The following PPP4R3B variants were observed in gnomAD, a reference collection of about 807,000 sequenced individuals.
The protein encoded by PPP4R3B is protein phosphatase 4 regulatory subunit 3B.
A neutral mutation model predicts 95.4 loss-of-function variants in PPP4R3B; 52 were observed. That is an observed-to-expected ratio of 0.54 (90% CI 0.44 to 0.69). PPP4R3B has a LOEUF of 0.69. PPP4R3B is among the 30% of genes least tolerant of loss of function. The probability of loss-of-function intolerance (pLI) is 0.00; values close to 1 mark genes in which losing one functional copy is unlikely to be tolerated. For synonymous variants in PPP4R3B, 407 were observed against 343.9 expected (o/e 1.18, Z -2.03); for missense variants, 1,003 against 1,005.9 (o/e 1.00, Z 0.04).
At chr2:55,552,609 G>T (rs972213330) in intron 16 of PPP4R3B, among the ~76,000 whole-genome samples, 7 of 152,102 alleles carry the variant, frequency 4.6e-5, no homozygotes, top group Non-Finnish European at 1.0e-4. Context: ...GGCCAGGCTG[G>T]CCTTGAACTC....
intron 3 of PPP4R3B, among the ~76,000 whole-genome samples, chr2:55,600,469 TG>T (rs1692410950): frequency 2.0e-5 from 1 of 49,416 alleles, no homozygotes; most frequent in South Asian, 6.7e-4. Context: ...CGGGCAGGGG[TG>T]GTTAAGAAAT....
At chr2:55,594,177 T>C (rs1309436403) in intron 4 of PPP4R3B, among the ~76,000 whole-genome samples, 2 of 152,054 alleles carry the variant, frequency 1.3e-5, no homozygotes, top group East Asian at 3.9e-4. Context: ...ACTGAAGGTT[T>C]AAAAATTATC....
At position 55,564,984 on chromosome 2, in the gene PPP4R3B, A is replaced by T; in HGVS notation, c.1993T>A (p.Ser665Thr). The change falls in exon 14 of 17, where the codon TCG becomes ACG. Residue 665 changes from serine (S) to threonine (T), a missense_variant. By Grantham distance (58) the Ser-to-Thr change is moderately conservative (BLOSUM62 1). Around this residue, in one of 3 missense-constraint regions of PPP4R3B, gnomAD observed 79 missense variants for 124.9 expected, o/e 0.63. Coordinates refer to ENST00000616407, the MANE Select transcript of PPP4R3B (RefSeq NM_001122964.3). The part of the protein sequence containing the change: ...IVENFYKALE[S>T]IEYVQTFKGL... ...TTGAATGTCTGAACATATTCAATCG[A>T]TTCAAGTGCTTTATAAAAGTTTTCA... is the stretch of plus-strand genomic sequence containing the variant. 1 of 1,610,834 alleles carries T rather than the reference A, an allele frequency of 6.2e-7. No homozygotes were observed. Among genetic ancestry groups the T allele is most frequent in the Non-Finnish European group, 8.5e-7 (1 of 1,178,806 alleles).
At chr2:55,601,068 C>G (rs4672057) in intron 3 of PPP4R3B, among the ~76,000 whole-genome samples, 13,586 of 149,184 alleles carry the variant, frequency 0.091, 746 homozygotes, top group South Asian at 0.14. Flanking sequence ...TCCCTTCAGC[C>G]TGGGAGGCAG....
intron 7 of PPP4R3B, among the ~76,000 whole-genome samples, chr2:55,584,003 T>G (rs933972330): frequency 3.3e-5 from 5 of 152,054 alleles, no homozygotes; most frequent in African/African-American, 1.2e-4. Context: ...GTCAGGAGTT[T>G]GAGACCACCC....
At chr2:55,564,286 C>G (rs751721216) in intron 15 of PPP4R3B, 27 bp downstream of exon 15, 1 of 1,592,636 alleles carries the variant, frequency 6.3e-7, no homozygotes, top group Non-Finnish European at 8.6e-7. Flanking sequence ...AGAGGGTACA[C>G]TGTGCAAAAA....
chr2:55,558,733 G>A (rs766668459), intron 16 of PPP4R3B, 42 bp downstream of exon 16: 16 of 1,381,862 alleles, frequency 1.2e-5, no homozygotes, highest in Admixed American at 2.5e-5. Context: ...AAATCTCACA[G>A]ACGGGAAAAG....
chr2:55,595,956 C>T (rs1208589965), intron 4 of PPP4R3B, among the ~76,000 whole-genome samples: 1 of 152,060 alleles, frequency 6.6e-6, no homozygotes, highest in Non-Finnish European at 1.5e-5. Flanking sequence ...GCTACTGTTA[C>T]AAGTAAGACA....
At chr2:55,591,405 A>G in intron 4 of PPP4R3B, 1 of 474,870 alleles carries the variant, frequency 2.1e-6, no homozygotes. Flanking sequence ...AGCCTCCCAA[A>G]GTGCTAGGAC....
In PPP4R3B at chr2:55,564,320, A is replaced by G. The variant is rs1687004085; in HGVS notation, c.2253T>C (p.Thr751=). The G allele has an allele frequency of 3.1e-6, 5 of 1,609,618 alleles. No individual in the cohort carries two copies. Among genetic ancestry groups the G allele is most frequent in the East Asian group, 4.5e-5 (2 of 44,742 alleles). The change falls in exon 15 of 17, where the codon ACT becomes ACC. Residue 751 remains threonine, a synonymous_variant. Transcript: ENST00000616407. Reference sequence around the variant, plus strand: ...AATTCCGAATTTTAATACCTTTTTTAGTCTCCATAAACTTTTCATAATTAT... The same window carrying G: ...AATTCCGAATTTTAATACCTTTTTTGGTCTCCATAAACTTTTCATAATTAT... ...FPDNYEKFME[T]KKAKESEDKE...
intron 2 of PPP4R3B, among the ~76,000 whole-genome samples, chr2:55,612,553 A>C (rs1694311496): frequency 6.6e-6 from 1 of 152,114 alleles, no homozygotes; most frequent in Non-Finnish European, 1.5e-5. Context: ...CCGTCTCTAC[A>C]AACACAACAA....
chr2:55,561,122 T>G (rs1001876533), intron 15 of PPP4R3B, among the ~76,000 whole-genome samples: 2 of 152,132 alleles, frequency 1.3e-5, no homozygotes, highest in African/African-American at 4.8e-5. Flanking sequence ...TCCCAGGTGC[T>G]GCAGCTCCAG....
At position 55,562,339 on chromosome 2, in the gene PPP4R3B, T is replaced by C. The variant is rs141401247; in HGVS notation, c.2260+1974A>G. The stretch of plus-strand genomic sequence containing the variant: ...TGAGAGGCTGAGGCAGGAGAATTGC[T>C]TGAGCCCAGGAGGCAGAGGTTGCAG... On this transcript the variant is annotated intron_variant, in intron 15 of 16. Coordinates refer to ENST00000616407, the MANE Select transcript of PPP4R3B (RefSeq NM_001122964.3). 2.8e-3 allele frequency among the ~76,000 whole-genome samples: 428 copies of C among 152,258 alleles called. 1 individual carries two copies. The highest frequency in any genetic ancestry group is 9.6e-3 in the African/African-American group (399 of 41,550).
chr2:55,557,927 A>G (rs925577716), intron 16 of PPP4R3B, among the ~76,000 whole-genome samples: 1 of 152,190 alleles, frequency 6.6e-6, no homozygotes, highest in Non-Finnish European at 1.5e-5. Context: ...AACAACAGAA[A>G]GTCTAATATC....
At chr2:55,601,838 T>C (rs10496048) in intron 3 of PPP4R3B, among the ~76,000 whole-genome samples, 5,558 of 152,316 alleles carry the variant, frequency 0.036, 144 homozygotes, top group South Asian at 0.091. Context: ...AATACTGATA[T>C]TGATGATCAA....
chr2:55,550,024 A>C lies in PPP4R3B; in HGVS notation c.2455-18T>G, dbSNP rs943558958. On this transcript the variant is annotated intron_variant, in intron 16 of 16. Coordinates refer to ENST00000616407, the MANE Select transcript of PPP4R3B (RefSeq NM_001122964.3). Reference sequence around the variant, plus strand: ...AAACTTCCCTATTGAAGAATTTAAAAATTTTTTCTTTAAACATATATAACA... The same window carrying C: ...AAACTTCCCTATTGAAGAATTTAAACATTTTTTCTTTAAACATATATAACA... 2 of 1,570,786 alleles carry C rather than the reference A, an allele frequency of 1.3e-6. No individual in the cohort carries two copies. The highest frequency in any genetic ancestry group is 1.4e-5 in the African/African-American group (1 of 72,690).
intron 4 of PPP4R3B, among the ~76,000 whole-genome samples, chr2:55,598,214 C>T (rs921120862): frequency 1.3e-5 from 2 of 151,748 alleles, no homozygotes; most frequent in Non-Finnish European, 2.9e-5. Context: ...AACGAGACTC[C>T]GACTCAAAAA....
At chr2:55,559,653 C>G (rs1038461761) in intron 15 of PPP4R3B, among the ~76,000 whole-genome samples, 2 of 152,168 alleles carry the variant, frequency 1.3e-5, no homozygotes, top group South Asian at 2.1e-4. Context: ...TAACACATGC[C>G]TTGTTTCCCA....
At chr2:55,604,705 A>G (rs906986954) in intron 2 of PPP4R3B, among the ~76,000 whole-genome samples, 3 of 152,120 alleles carry the variant, frequency 2.0e-5, no homozygotes, top group African/African-American at 7.2e-5. Flanking sequence ...GTCTTCAATT[A>G]TATGCCTACC....
Sources: allele counts gnomAD v4.1 joint callset (sites outside exome capture counted in the v4.1 genomes callset), GRCh38; gene constraint gnomAD v4.1.1; regional missense constraint gnomAD v4.1.1; transcripts MANE v1.5; gene names NCBI Gene and HGNC (gene_info 2026-07-23, HGNC 2026-07-21).